The following RBMS3 variants were observed in gnomAD, a reference collection of about 807,000 sequenced individuals.
RBMS3 encodes the protein RNA binding motif single stranded interacting protein 3, also known as RNA-binding motif, single-stranded-interacting protein 3.
Under a neutral mutation model 66.8 loss-of-function variants are expected in RBMS3, and 27 were observed. That is an observed-to-expected ratio of 0.40 (90% CI 0.30 to 0.56). RBMS3 has a LOEUF of 0.56. Ranked by LOEUF, RBMS3 falls within the 20% of genes least tolerant of loss-of-function variation. The pLI is 0.40. For missense variants in RBMS3, 513 were observed against 549.5 expected, an observed-to-expected ratio of 0.93 and a Z score of 0.66; for synonymous variants, 188 against 183.0, an observed-to-expected ratio of 1.03 and a Z score of -0.22.
At chr3:29,922,943 T>C (rs1029380942) in intron 10 of RBMS3, among the ~76,000 whole-genome samples, 37 of 152,336 alleles carry the variant, frequency 2.4e-4, no homozygotes, top group Middle Eastern at 3.4e-3. Context: ...AGAAAATAAA[T>C]GATTGATGCA....
At chr3:29,765,733 A>T (rs1329791547) in intron 6 of RBMS3, 1 of 151,950 alleles carries the variant, frequency 6.6e-6, no homozygotes, top group African/African-American at 2.4e-5. Flanking sequence ...TTCTCATACT[A>T]GGGCCCTATT....
intron 4 of RBMS3, among the ~76,000 whole-genome samples, chr3:29,612,953 A>C (rs777632558): frequency 1.3e-5 from 2 of 152,164 alleles, no homozygotes; most frequent in African/African-American, 4.8e-5. Flanking sequence ...TTTTAAGGAC[A>C]TGAAATAAGG....
intron 3 of RBMS3, among the ~76,000 whole-genome samples, chr3:29,495,164 T>C (rs1445727253): frequency 1.3e-5 from 2 of 152,096 alleles, no homozygotes; most frequent in African/African-American, 4.8e-5. Context: ...ATTCTGCATA[T>C]GACACTTATT....
intron 4 of RBMS3, among the ~76,000 whole-genome samples, chr3:29,716,910 T>C (rs945942224): frequency 3.0e-5 from 1 of 33,142 alleles, no homozygotes; most frequent in South Asian, 9.6e-4. Context: ...ATCATTGTAG[T>C]ACATGCATAC....
chr3:29,479,037 C>T (rs2043044591), intron 2 of RBMS3, among the ~76,000 whole-genome samples: 1 of 152,084 alleles, frequency 6.6e-6, no homozygotes, highest in African/African-American at 2.4e-5. Context: ...ATTCACTATA[C>T]ATAGGGGCAG....
intron 10 of RBMS3, among the ~76,000 whole-genome samples, chr3:29,935,701 G>A (rs1451228318): frequency 6.6e-6 from 1 of 152,046 alleles, no homozygotes; most frequent in East Asian, 1.9e-4. Context: ...CATAAACCAA[G>A]TCTTATCAAA....
chr3:29,330,052 A>G (rs1282739717), intron 1 of RBMS3, among the ~76,000 whole-genome samples: 3 of 152,030 alleles, frequency 2.0e-5, no homozygotes, highest in East Asian at 3.9e-4. Context: ...ATCTTACTCT[A>G]TGACATCACT....
chr3:29,587,134 G>A lies in RBMS3; in HGVS notation c.328G>A (p.Asp110Asn), dbSNP rs764471372. 1.2e-6 allele frequency: 2 copies of A among 1,609,020 alleles called. No individual in the cohort carries two copies. The highest frequency in any genetic ancestry group is 8.5e-7 in the Non-Finnish European group (1 of 1,177,932). ...QCKGYGFVDF[D>N]SPAAAQKAVA... ...CACAGGTTATGGTTTTGTAGATTTT[G>A]ACAGTCCTGCAGCCGCACAGAAAGC... The change falls in exon 4 of 15, where the codon GAC becomes AAC. Residue 110 changes from aspartate (D) to asparagine (N), a missense_variant. By Grantham distance (23) the Asp-to-Asn change is conservative. Coordinates refer to ENST00000383767, the MANE Select transcript of RBMS3 (RefSeq NM_001003793.3).
intron 8 of RBMS3, among the ~76,000 whole-genome samples, chr3:29,889,788 T>G (rs964083345): frequency 2.0e-5 from 3 of 151,672 alleles, no homozygotes; most frequent in Non-Finnish European, 4.4e-5. Flanking sequence ...AACCCAGTAT[T>G]GTGAATGCTA....
intron 4 of RBMS3, among the ~76,000 whole-genome samples, chr3:29,715,964 T>A (rs2053375264): frequency 6.6e-6 from 1 of 152,098 alleles, no homozygotes; most frequent in Non-Finnish European, 1.5e-5. Flanking sequence ...TCTGGGAAGT[T>A]AGAAAAAGGG....
chr3:29,285,608 C>T (rs761843606), intron 1 of RBMS3, among the ~76,000 whole-genome samples: 1 of 152,070 alleles, frequency 6.6e-6, no homozygotes, highest in Non-Finnish European at 1.5e-5. Context: ...GACTAGTGGA[C>T]CCAAACAGAA....
intron 5 of RBMS3, among the ~76,000 whole-genome samples, chr3:29,752,297 C>T (rs1483665619): frequency 6.6e-6 from 1 of 152,116 alleles, no homozygotes; most frequent in African/African-American, 2.4e-5. Context: ...CCTCTTTTCT[C>T]CTTCCCTGCC....
At chr3:29,343,153 A>G (rs2036377491) in intron 1 of RBMS3, among the ~76,000 whole-genome samples, 1 of 152,108 alleles carries the variant, frequency 6.6e-6, no homozygotes, top group Non-Finnish European at 1.5e-5. Context: ...AAAACAACCT[A>G]AGGAAGAGCT....
At chr3:29,748,453 C>T (rs2055025217) in intron 5 of RBMS3, among the ~76,000 whole-genome samples, 1 of 150,944 alleles carries the variant, frequency 6.6e-6, no homozygotes, top group Admixed American at 6.6e-5. Flanking sequence ...GCAGTAGTTA[C>T]AAGTGGGTCT....
At chr3:29,597,918 G>A (rs908499438) in intron 4 of RBMS3, among the ~76,000 whole-genome samples, 1 of 152,036 alleles carries the variant, frequency 6.6e-6, no homozygotes, top group Non-Finnish European at 1.5e-5. Context: ...CTTCCCTGGT[G>A]TTCATATTTA....
At chr3:29,358,902 C>A (rs2125575709) in intron 1 of RBMS3, among the ~76,000 whole-genome samples, 1 of 152,228 alleles carries the variant, frequency 6.6e-6, no homozygotes, top group South Asian at 2.1e-4. Flanking sequence ...ATTTTGTATC[C>A]TGAGACTTTG....
In RBMS3 at chr3:29,509,895, C is replaced by T. The variant is rs765755907; in HGVS notation, c.307+21396C>T. On this transcript the variant is annotated intron_variant, in intron 3 of 14. Transcript: ENST00000383767. Reference sequence around the variant, plus strand: ...ACTCATGCTTAGCACATGCTTTGCACGTGAAGTAGTTGTCCAATGCATGTC... The same window carrying T: ...ACTCATGCTTAGCACATGCTTTGCATGTGAAGTAGTTGTCCAATGCATGTC... Among the ~76,000 whole-genome samples, 15 of 152,168 alleles carry T rather than the reference C, an allele frequency of 9.9e-5. No homozygotes were observed. In the East Asian group the frequency reaches 1.9e-3, roughly 20 times the overall value.
chr3:29,575,780 G>A (rs1158915969), intron 3 of RBMS3, among the ~76,000 whole-genome samples: 2 of 151,768 alleles, frequency 1.3e-5, no homozygotes, highest in African/African-American at 4.8e-5. Context: ...TTTTACTATT[G>A]AGTGACTCTG....
chr3:29,450,443 A>C (rs6807017), intron 2 of RBMS3, among the ~76,000 whole-genome samples: 108,989 of 152,014 alleles, frequency 0.72, 39,231 homozygotes, highest in East Asian at 0.77. Context: ...TCCCTCCTTT[A>C]TGCTAATGAA....
Sources: allele counts gnomAD v4.1 joint callset (sites outside exome capture counted in the v4.1 genomes callset), GRCh38; gene constraint gnomAD v4.1.1; transcripts MANE v1.5; gene names NCBI Gene and HGNC (gene_info 2026-07-23, HGNC 2026-07-21).